The following CADPS variants were observed in gnomAD, a reference collection of about 807,000 sequenced individuals.
The protein encoded by CADPS is calcium-dependent secretion activator 1.
In CADPS, 57 loss-of-function variants were observed where a neutral mutation model predicts 167.3. The ratio of observed to expected loss-of-function variants is 0.34; its 90% confidence interval spans 0.28 to 0.42. The LOEUF (loss-of-function observed/expected upper bound fraction) is 0.42. Among genes scored for constraint, CADPS ranks in the 20% least tolerant of loss-of-function variants. The pLI is 1.00. For synonymous variants in CADPS, 676 were observed against 635.3 expected (o/e 1.06, Z -0.96); for missense variants, 1,414 against 1,738.1 (o/e 0.81, Z 3.32).
At chr3:62,701,064 A>G (rs2081297023) in intron 3 of CADPS, among the ~76,000 whole-genome samples, 1 of 152,040 alleles carries the variant, frequency 6.6e-6, no homozygotes, top group African/African-American at 2.4e-5. Context: ...CCCATTCATG[A>G]GGGCTCTATT....
intron 28 of CADPS, among the ~76,000 whole-genome samples, chr3:62,413,324 G>T (rs576478610): frequency 1.3e-5 from 2 of 152,236 alleles, no homozygotes; most frequent in Non-Finnish European, 2.9e-5. Flanking sequence ...CGCCCACATT[G>T]ATGTTCATAG....
chr3:62,529,963 T>C (rs1389601213), intron 13 of CADPS, among the ~76,000 whole-genome samples: 1 of 152,114 alleles, frequency 6.6e-6, no homozygotes, highest in Non-Finnish European at 1.5e-5. Flanking sequence ...TGGAAATAAT[T>C]AGTAAACCTA....
intron 6 of CADPS, among the ~76,000 whole-genome samples, chr3:62,629,757 G>GTTTTTTTTTTTTTTTTTTTTTT (rs55956118): frequency 3.2e-4 from 46 of 145,652 alleles, no homozygotes; most frequent in Middle Eastern, 3.6e-3. Context: ...CTCTGGTACA[G>GTTTTTTTTTTTTTTTTTTTTTT]TTTTTTTTTT....
At chr3:62,444,710 A>G (rs902897081) in intron 27 of CADPS, among the ~76,000 whole-genome samples, 2 of 152,226 alleles carry the variant, frequency 1.3e-5, no homozygotes, top group Non-Finnish European at 2.9e-5. Flanking sequence ...TGCTAATGCT[A>G]AATTCACTCC....
chr3:62,565,528 T>C (rs1486298088), intron 9 of CADPS, among the ~76,000 whole-genome samples: 1 of 152,136 alleles, frequency 6.6e-6, no homozygotes, highest in Non-Finnish European at 1.5e-5. Flanking sequence ...ACCCCAGACT[T>C]ACTGTATCAG....
chr3:62,448,521 A>C (rs2057551435), intron 26 of CADPS, among the ~76,000 whole-genome samples: 3 of 152,038 alleles, frequency 2.0e-5, no homozygotes, highest in Admixed American at 2.0e-4. Flanking sequence ...TCCTCCTCCC[A>C]TCCCATAATA....
chr3:62,535,430 G>A (rs2074491701), intron 12 of CADPS, among the ~76,000 whole-genome samples: 1 of 149,294 alleles, frequency 6.7e-6, no homozygotes, highest in Non-Finnish European at 1.5e-5. Flanking sequence ...TTGGCTTTTG[G>A]TACAAAAAAA....
intron 3 of CADPS, among the ~76,000 whole-genome samples, chr3:62,669,059 G>A (rs183559825): frequency 4.3e-4 from 66 of 152,326 alleles, no homozygotes; most frequent in Non-Finnish European, 3.1e-4. Flanking sequence ...TGATTAAAGC[G>A]TTCCTTATTC....
intron 9 of CADPS, among the ~76,000 whole-genome samples, chr3:62,563,497 T>A (rs764547537): frequency 2.0e-5 from 3 of 152,248 alleles, no homozygotes; most frequent in Non-Finnish European, 4.4e-5. Flanking sequence ...TCTATCTGAG[T>A]AATTCAGTTC....
rs558962079 is a variant in CADPS, at chr3:62,652,695, T to C, written c.970-1615A>G. Among the ~76,000 whole-genome samples the C allele has an allele frequency of 2.6e-5, 4 of 151,442 alleles. No homozygotes were observed. In the South Asian group the frequency reaches 8.4e-4, roughly 32 times the overall value. ...GAGAAGAAGTAAGGGAGGCAGGGAC[T>C]GAAGGAGGGAGGAAAAGGGAGAGGA... On this transcript the variant is annotated intron_variant, in intron 4 of 29. Transcript: ENST00000383710.
chr3:62,595,178 G>C (rs1410656784), intron 6 of CADPS, among the ~76,000 whole-genome samples: 1 of 151,956 alleles, frequency 6.6e-6, no homozygotes, highest in Non-Finnish European at 1.5e-5. Context: ...CAGATCCATG[G>C]GGATCTCAGT....
intron 17 of CADPS, among the ~76,000 whole-genome samples, chr3:62,510,200 A>G (rs112415093): frequency 6.4e-4 from 93 of 145,902 alleles, no homozygotes; most frequent in East Asian, 2.2e-3. Flanking sequence ...GCATCTATCT[A>G]TCTATCTATC....
chr3:62,649,541 G>GTTTTTTTTTTTT (rs1212818484), intron 5 of CADPS, among the ~76,000 whole-genome samples: 22 of 75,006 alleles, frequency 2.9e-4, no homozygotes, highest in African/African-American at 9.2e-4. Context: ...ACAATATGTG[G>GTTTTTTTTTTTT]TCTTTTTTTT....
rs144979381 is a variant in CADPS at position 62,645,792 on chromosome 3, C to T, written c.1255G>A (p.Val419Ile). ...CCTTCCACCTCCATTGTGCAATATA[C>T]GATGCGATTTGGAGCCAAAGATTTG... ...GLKSLAPNRIVYCTMEVEGGE... is the reference protein window; with the variant it reads ...GLKSLAPNRIIYCTMEVEGGE... Residue 419 changes from valine (V) to isoleucine (I), a missense_variant, in exon 6 of 30, where the codon GTA becomes ATA. Transcript: ENST00000383710. 19 of 1,613,892 alleles carry T rather than the reference C, an allele frequency of 1.2e-5. No individual in the cohort carries two copies. Among genetic ancestry groups the T allele is most frequent in the African/African-American group, 4.0e-5 (3 of 74,920 alleles).
intron 1 of CADPS, among the ~76,000 whole-genome samples, chr3:62,853,331 G>A (rs1325644134): frequency 6.6e-6 from 1 of 152,066 alleles, no homozygotes; most frequent in African/African-American, 2.4e-5. Flanking sequence ...ATTCTTGTGA[G>A]AAACCATCTA....
chr3:62,685,290 C>T (rs1563819619), intron 3 of CADPS, among the ~76,000 whole-genome samples: 1 of 151,890 alleles, frequency 6.6e-6, no homozygotes, highest in Non-Finnish European at 1.5e-5. Flanking sequence ...GTAACACCCA[C>T]TAAGGCACAC....
chr3:62,496,101 C>T (rs983931565), intron 18 of CADPS, among the ~76,000 whole-genome samples: 1 of 150,704 alleles, frequency 6.6e-6, no homozygotes, highest in African/African-American at 2.4e-5. Flanking sequence ...ATACTGAGCA[C>T]CCAGAGAACA....
At chr3:62,517,673 C>G (rs912624681) in intron 14 of CADPS, among the ~76,000 whole-genome samples, 2 of 152,134 alleles carry the variant, frequency 1.3e-5, no homozygotes, top group Non-Finnish European at 2.9e-5. Context: ...TCTGCTGGCT[C>G]TCTTGAGTAT....
intron 6 of CADPS, chr3:62,626,705 A>G (rs1395183744): frequency 1.8e-5 from 10 of 541,408 alleles, no homozygotes; most frequent in Non-Finnish European, 3.3e-5. Context: ...AGAATTTACT[A>G]ACATGGTTTT....
Sources: gnomAD v4.1 joint callset for allele counts (sites outside exome capture counted in the v4.1 genomes callset) on GRCh38, gnomAD v4.1.1 for gene constraint, MANE v1.5 for transcripts, NCBI Gene and HGNC (gene_info 2026-07-23, HGNC 2026-07-21) for gene names.